The following EPHX2 variants were observed in gnomAD, a reference collection of about 807,000 sequenced individuals.
EPHX2 encodes the protein bifunctional epoxide hydrolase 2.
A neutral mutation model predicts 78.7 loss-of-function variants in EPHX2; 74 were observed. The observed-to-expected ratio is 0.94, with a 90% CI of 0.78 to 1.14. The LOEUF is 1.14. Among genes scored for constraint, EPHX2 ranks in the 50% most tolerant of loss-of-function variants. The pLI, the probability that EPHX2 is intolerant of heterozygous loss-of-function variation, is 0.00. For synonymous variants in EPHX2, 251 were observed against 255.2 expected (o/e 0.98, Z 0.16); for missense variants, 715 against 702.5 (o/e 1.02, Z -0.20).
chr8:27,496,171 T>C (rs1446919712), intron 1 of EPHX2, among the ~76,000 whole-genome samples: 20 of 152,228 alleles, frequency 1.3e-4, no homozygotes, highest in Admixed American at 1.3e-3. Context: ...TAGGCAGAGC[T>C]GGGCCTTCAG....
chr8:27,543,006 T>TCCCCCCCCCCC (rs60846123), intron 16 of EPHX2, among the ~76,000 whole-genome samples: 18 of 99,634 alleles, frequency 1.8e-4, no homozygotes, highest in Admixed American at 3.2e-4. Flanking sequence ...TCCCATCCTC[T>TCCCCCCCCCCC]CCCCCCCCCG....
chr8:27,522,736 G>A (rs1814692893), intron 11 of EPHX2, among the ~76,000 whole-genome samples: 1 of 151,768 alleles, frequency 6.6e-6, no homozygotes, highest in Non-Finnish European at 1.5e-5. Flanking sequence ...AAGGTGGGTG[G>A]ATCACCTGAG....
In EPHX2 at chr8:27,503,598, T is replaced by C. The variant is rs1813879320; in HGVS notation, c.187-6T>C. The C allele has an allele frequency of 6.2e-7, 1 of 1,606,148 alleles. No individual in the cohort carries two copies. The highest frequency in any genetic ancestry group is 8.5e-7 in the Non-Finnish European group (1 of 1,175,772). On this transcript the variant is annotated splice_region_variant and splice_polypyrimidine_tract_variant and intron_variant, in intron 2 of 18. Transcript: ENST00000521400. Reference sequence around the variant, plus strand: ...TACAAATTGTCCCCTCACTTCACTTTGACAGTGGATACCACTCATGGAAGA... The same window carrying C: ...TACAAATTGTCCCCTCACTTCACTTCGACAGTGGATACCACTCATGGAAGA...
chr8:27,541,831 C>G (rs1815414020), intron 16 of EPHX2, among the ~76,000 whole-genome samples: 1 of 152,068 alleles, frequency 6.6e-6, no homozygotes, highest in Non-Finnish European at 1.5e-5. Flanking sequence ...GGTGGTACCC[C>G]AAGGCAGGGC....
At chr8:27,499,135 T>C (rs745778065) in intron 1 of EPHX2, among the ~76,000 whole-genome samples, 2 of 152,132 alleles carry the variant, frequency 1.3e-5, no homozygotes, top group Non-Finnish European at 2.9e-5. Context: ...CCCAATCCCA[T>C]GATAACCCAT....
intron 11 of EPHX2, among the ~76,000 whole-genome samples, chr8:27,523,181 G>A (rs1286104762): frequency 6.6e-6 from 1 of 152,094 alleles, no homozygotes; most frequent in Admixed American, 6.5e-5. Context: ...GGTCTGCCCT[G>A]ATCAGCTGTG....
At chr8:27,527,040 C>T (rs1441614056) in intron 12 of EPHX2, among the ~76,000 whole-genome samples, 1 of 152,204 alleles carries the variant, frequency 6.6e-6, no homozygotes, top group Non-Finnish European at 1.5e-5. Flanking sequence ...TCCTAAGGTT[C>T]AAGCAATTCT....
At chr8:27,538,852 C>A in intron 14 of EPHX2, 160 bp downstream of exon 14, 1 of 720,636 alleles carries the variant, frequency 1.4e-6, no homozygotes, top group Non-Finnish European at 2.4e-6. Flanking sequence ...TGACTCTAAC[C>A]CCAGGCCTGA....
chr8:27,511,850 G>C lies in EPHX2; in HGVS notation c.675G>C (p.Pro225=), dbSNP rs368133391. 1 of 1,614,024 alleles carries C rather than the reference G, an allele frequency of 6.2e-7. No individual in the cohort carries two copies. The highest frequency in any genetic ancestry group is 1.7e-5 in the Admixed American group (1 of 60,020). ...KVTGIQLLNT[P]APLPTSCNPS... The stretch of plus-strand genomic sequence containing the variant: ...CCTGCTTACAGCTTCTCAATACCCC[G>C]GCCCCTCTGCCGACCTCTTGCAATC... The change falls in exon 6 of 19, where the codon CCG becomes CCC. Residue 225 remains proline (P), a synonymous_variant. Transcript: ENST00000521400.
intron 12 of EPHX2, among the ~76,000 whole-genome samples, chr8:27,527,319 C>T (rs1183943212): frequency 2.6e-5 from 4 of 152,180 alleles, no homozygotes; most frequent in African/African-American, 4.8e-5. Flanking sequence ...ATGCCTCGGC[C>T]TCCCAAAGTG....
At chr8:27,496,880 T>C (rs1451969469) in intron 1 of EPHX2, among the ~76,000 whole-genome samples, 1 of 152,124 alleles carries the variant, frequency 6.6e-6, no homozygotes, top group Non-Finnish European at 1.5e-5. Flanking sequence ...AACAAATGGG[T>C]AACTTGTTCC....
chr8:27,523,001 T>A, intron 11 of EPHX2, among the ~76,000 whole-genome samples: 1 of 138,932 alleles, frequency 7.2e-6, no homozygotes. Context: ...CCTAATGAGC[T>A]AATGTGTTAG....
chr8:27,494,116 A>G (rs1369123423), intron 1 of EPHX2, among the ~76,000 whole-genome samples: 4 of 152,158 alleles, frequency 2.6e-5, no homozygotes, highest in East Asian at 1.9e-4. Context: ...GAAGCAGACA[A>G]GCCATCTGAA....
At chr8:27,505,595 CTT>C (rs1813974600) in intron 4 of EPHX2, among the ~76,000 whole-genome samples, 1 of 152,190 alleles carries the variant, frequency 6.6e-6, no homozygotes. Context: ...GCTCTTTTCT[CTT>C]TGTGTGTCTC....
At chr8:27,516,020 A>T (rs1255196417) in intron 7 of EPHX2, among the ~76,000 whole-genome samples, 1 of 152,204 alleles carries the variant, frequency 6.6e-6, no homozygotes, top group Non-Finnish European at 1.5e-5. Context: ...AAAAGGGCAG[A>T]CTTCTTTAAG....
At chr8:27,515,929 C>A in intron 7 of EPHX2, 116 bp downstream of exon 7, 1 of 905,712 alleles carries the variant, frequency 1.1e-6, no homozygotes, top group Non-Finnish European at 1.7e-6. Context: ...GCATTGTCTC[C>A]AAAGTGTGAC....
chr8:27,510,031 G>A (rs559559096), intron 5 of EPHX2, among the ~76,000 whole-genome samples: 1 of 152,290 alleles, frequency 6.6e-6, no homozygotes, highest in Admixed American at 6.5e-5. Flanking sequence ...TCAGGAGACA[G>A]CAGCCTGCCC....
At chr8:27,539,066 T>C (rs1304913126) in intron 14 of EPHX2, 9 of 201,184 alleles carry the variant, frequency 4.5e-5, no homozygotes, top group Non-Finnish European at 4.1e-5. Context: ...GTCTCCTCCA[T>C]TGCAGTCCAC....
At chr8:27,547,085 G>A (rs1406372709), downstream of EPHX2, among the ~76,000 whole-genome samples, 2 of 152,102 alleles carry the variant, frequency 1.3e-5, no homozygotes, top group Non-Finnish European at 2.9e-5. Context: ...GGGGAAATCC[G>A]CCCCCAAGAT....
Sources: gnomAD v4.1 joint callset for allele counts (sites outside exome capture counted in the v4.1 genomes callset) on GRCh38, gnomAD v4.1.1 for gene constraint, MANE v1.5 for transcripts, NCBI Gene and HGNC (gene_info 2026-07-23, HGNC 2026-07-21) for gene names.